PTPRN2: variants seen among roughly 807,000 people sequenced by gnomAD.
PTPRN2 encodes protein tyrosine phosphatase receptor type N2.
A neutral mutation model predicts 118.8 loss-of-function variants in PTPRN2; 74 were observed. The ratio of observed to expected loss-of-function variants is 0.62; its 90% CI spans 0.52 to 0.76. The LOEUF (loss-of-function observed/expected upper bound fraction) is 0.76, where lower values mean the gene tolerates loss of function less well. PTPRN2 is among the 30% of genes least tolerant of loss of function. The pLI is 0.00. For missense variants in PTPRN2, 1,481 were observed against 1,394.4 expected (o/e 1.06, Z -0.99); for synonymous variants, 641 against 608.0 (o/e 1.05, Z -0.80).
At chr7:157,698,489 C>T (rs1351692987) in intron 12 of PTPRN2, among the ~76,000 whole-genome samples, 1 of 152,220 alleles carries the variant, frequency 6.6e-6, no homozygotes, top group East Asian at 1.9e-4. Flanking sequence ...TTTCAGCAAA[C>T]ATTTCTGCTT....
chr7:158,137,865 G>A (rs1158775709), intron 7 of PTPRN2, among the ~76,000 whole-genome samples: 1 of 152,332 alleles, frequency 6.6e-6, no homozygotes, highest in East Asian at 1.9e-4. Context: ...TGCCTGCCGG[G>A]GTAGTGGTGC....
intron 12 of PTPRN2, among the ~76,000 whole-genome samples, chr7:157,693,410 G>A (rs1797614727): frequency 6.6e-6 from 1 of 152,076 alleles, no homozygotes; most frequent in African/African-American, 2.4e-5. Flanking sequence ...GTCTGGCTGC[G>A]CCGCGCTGGC....
chr7:158,440,650 G>C (rs531924472), intron 2 of PTPRN2, among the ~76,000 whole-genome samples: 14 of 112,480 alleles, frequency 1.2e-4, no homozygotes, highest in African/African-American at 5.0e-4. Context: ...GGTGGCAGTA[G>C]TGATGGTGGT....
intron 3 of PTPRN2, among the ~76,000 whole-genome samples, chr7:158,278,216 G>A (rs965170307): frequency 6.6e-6 from 1 of 152,170 alleles, no homozygotes; most frequent in Non-Finnish European, 1.5e-5. Flanking sequence ...CCAGTGGACA[G>A]GGAAATGGGA....
intron 11 of PTPRN2, among the ~76,000 whole-genome samples, chr7:158,076,766 C>A (rs1812391648): frequency 6.6e-6 from 1 of 152,316 alleles, no homozygotes; most frequent in African/African-American, 2.4e-5. Context: ...CATCTAAGCC[C>A]TGCCCTGCCC....
intron 11 of PTPRN2, among the ~76,000 whole-genome samples, chr7:157,899,689 A>T (rs1050383733): frequency 2.0e-5 from 3 of 152,152 alleles, no homozygotes; most frequent in African/African-American, 7.2e-5. Context: ...GAGGGACGCG[A>T]TGAGATCTTG....
At chr7:158,477,154 C>T (rs1733122) in intron 2 of PTPRN2, among the ~76,000 whole-genome samples, 70,592 of 152,106 alleles carry the variant, frequency 0.46, 16,701 homozygotes, top group African/African-American at 0.52. Flanking sequence ...TGGGTCTTCC[C>T]GTTGCCTCAG....
rs531569441 is a variant in PTPRN2, at chr7:157,767,252, G to A, written c.1789-84315C>T. Reference sequence around the variant, plus strand: ...CATCATCCATCTGTGGCTTATGAACGCCTTGTACCAGATTTATCCTTGGAC... The same window carrying A: ...CATCATCCATCTGTGGCTTATGAACACCTTGTACCAGATTTATCCTTGGAC... On this transcript the variant is annotated intron_variant, in intron 12 of 22. Transcript: ENST00000389418. Among the ~76,000 whole-genome samples the A allele has an allele frequency of 4.1e-4, 63 of 152,264 alleles. 1 individual carries two copies. The highest frequency in any genetic ancestry group is 1.3e-3 in the African/African-American group (55 of 41,562).
chr7:157,616,174 C>CCACA (rs1009849396), intron 15 of PTPRN2: 2 of 155,182 alleles, frequency 1.3e-5, no homozygotes, highest in African/African-American at 4.8e-5. Flanking sequence ...GGTAGCCATG[C>CCACA]CACACCAGGC....
At position 157,990,517 on chromosome 7, in the gene PTPRN2, C is replaced by T. The variant is rs888991530; in HGVS notation, c.1723+90781G>A. Among the ~76,000 whole-genome samples the T allele has an allele frequency of 2.6e-5, 4 of 152,292 alleles. No homozygotes were observed. The highest frequency in any genetic ancestry group is 2.1e-4 in the South Asian group (1 of 4,824). ...CCATGCCACCATGCCCAACGGTCCC[C>T]GCCCTGCACCCACCTCTGGCAAGTT... On this transcript the variant is annotated intron_variant, in intron 11 of 22. Coordinates refer to ENST00000389418, the MANE Select transcript of PTPRN2 (RefSeq NM_002847.5). The surrounding 1 kb of genome is among the most constrained non-coding windows in gnomAD (Gnocchi z 4.3).
At chr7:158,138,166 A>G in intron 7 of PTPRN2, 128 bp downstream of exon 7, 5 of 806,136 alleles carry the variant, frequency 6.2e-6, no homozygotes. Flanking sequence ...AAAATCATTA[A>G]TACAGATCCC....
chr7:158,001,641 C>A (rs1157095248), intron 11 of PTPRN2, among the ~76,000 whole-genome samples: 1 of 152,102 alleles, frequency 6.6e-6, no homozygotes, highest in East Asian at 1.9e-4. Flanking sequence ...GGTAAAACGG[C>A]CGAAAACCAT....
intron 11 of PTPRN2, among the ~76,000 whole-genome samples, chr7:158,057,034 C>T (rs946512648): frequency 6.6e-6 from 1 of 152,210 alleles, no homozygotes; most frequent in East Asian, 1.9e-4. Flanking sequence ...CTAGACCCAC[C>T]CAGCGACCCC....
At chr7:158,040,426 C>T (rs1808376970) in intron 11 of PTPRN2, among the ~76,000 whole-genome samples, 1 of 151,916 alleles carries the variant, frequency 6.6e-6, no homozygotes, top group African/African-American at 2.4e-5. Context: ...AAACACACTG[C>T]ACATGCACAC....
intron 2 of PTPRN2, among the ~76,000 whole-genome samples, chr7:158,330,742 C>A (rs1358698685): frequency 1.7e-5 from 2 of 116,170 alleles, no homozygotes; most frequent in East Asian, 2.6e-4. Flanking sequence ...ACGTCACTCA[C>A]ACCCACACTC....
At chr7:158,380,150 A>C (rs1230359895) in intron 2 of PTPRN2, among the ~76,000 whole-genome samples, 1 of 152,158 alleles carries the variant, frequency 6.6e-6, no homozygotes, top group East Asian at 1.9e-4. Context: ...GGCCTCTCCC[A>C]AATCTCACGT....
chr7:157,984,275 C>T (rs1397583708), intron 11 of PTPRN2, among the ~76,000 whole-genome samples: 2 of 146,278 alleles, frequency 1.4e-5, no homozygotes, highest in Admixed American at 6.8e-5. Flanking sequence ...CCACCCCCCA[C>T]GCCAGGCTCC....
At chr7:157,854,677 C>T (rs1449535376) in intron 12 of PTPRN2, 4 of 153,280 alleles carry the variant, frequency 2.6e-5, no homozygotes, top group South Asian at 2.0e-4. Context: ...ACTGCCCCAG[C>T]CCCTGGCTCA....
At chr7:157,911,377 G>A (rs73745025) in intron 11 of PTPRN2, among the ~76,000 whole-genome samples, 6 of 152,246 alleles carry the variant, frequency 3.9e-5, no homozygotes, top group South Asian at 4.2e-4. Context: ...TAGCAAAGAC[G>A]TTTAGGGAGA....
Sources: gnomAD v4.1 joint callset for allele counts (sites outside exome capture counted in the v4.1 genomes callset) on GRCh38, gnomAD v4.1.1 for gene constraint, Gnocchi (gnomAD v3.1) non-coding constraint, MANE v1.5 for transcripts, NCBI Gene and HGNC (gene_info 2026-07-23, HGNC 2026-07-21) for gene names.